The following RFX4 variants were observed in gnomAD, a reference collection of about 807,000 sequenced individuals.
RFX4 encodes regulatory factor X4, also known as transcription factor RFX4.
In RFX4, 10 loss-of-function variants were observed where a neutral mutation model predicts 95.0. That is an observed-to-expected ratio of 0.11 (90% confidence interval 0.06 to 0.18). The LOEUF is 0.18. Ranked by LOEUF, RFX4 falls within the 10% of genes least tolerant of loss-of-function variation. The pLI is 1.00. For synonymous variants in RFX4, 321 were observed against 340.7 expected (o/e 0.94, Z 0.64); for missense variants, 640 against 922.0 (o/e 0.69, Z 3.96).
intron 5 of RFX4, chr12:106,683,664 T>C (rs762450394): frequency 6.6e-6 from 1 of 152,024 alleles, no homozygotes; most frequent in Non-Finnish European, 1.5e-5. Flanking sequence ...TAGAACGATA[T>C]GGAATAAATG....
At chr12:106,659,333 G>T (rs1460801701) in intron 4 of RFX4, among the ~76,000 whole-genome samples, 1 of 151,832 alleles carries the variant, frequency 6.6e-6, no homozygotes, top group Non-Finnish European at 1.5e-5. Context: ...GGTCCCTTTA[G>T]GTGTGTTAGA....
At chr12:106,759,427 T>C (rs927666157) in intron 17 of RFX4, among the ~76,000 whole-genome samples, 1 of 152,112 alleles carries the variant, frequency 6.6e-6, no homozygotes, top group African/African-American at 2.4e-5. Context: ...AGCAACCTTT[T>C]TGAAAAAGTA....
At position 106,709,475 on chromosome 12, in the gene RFX4, T is replaced by C. The variant is rs753687950; in HGVS notation, c.934+45T>C. 27 of 1,442,920 alleles carry C rather than the reference T, an allele frequency of 1.9e-5. No homozygotes were observed. The South Asian group carries it at 2.7e-4, about 15-fold the overall frequency. 89.4% of individuals were successfully genotyped at this position (1,442,920 alleles called of 1,614,324 possible). On this transcript the variant is annotated intron_variant, in intron 9 of 17. Transcript: ENST00000392842. Reference sequence around the variant, plus strand: ...CGGGATGGAAGAGAGAATTACATTTTAGTGCCAAATATTTTACATAAGTTG... The same window carrying C: ...CGGGATGGAAGAGAGAATTACATTTCAGTGCCAAATATTTTACATAAGTTG...
At chr12:106,747,209 T>G (rs1399050134) in intron 15 of RFX4, among the ~76,000 whole-genome samples, 1 of 152,070 alleles carries the variant, frequency 6.6e-6, no homozygotes. Context: ...GGCCCTGAGT[T>G]GCTGGGAATT....
intron 2 of RFX4, among the ~76,000 whole-genome samples, chr12:106,624,517 T>C (rs112052366): frequency 6.6e-6 from 1 of 152,044 alleles, no homozygotes; most frequent in African/African-American, 2.4e-5. Context: ...TTAGTAGAGA[T>C]GGGGTTTCAC....
Position 106,733,063 on chromosome 12 carries a change from G to A in RFX4, c.1611G>A (p.Glu537=). Residue 537 remains glutamate, a synonymous_variant, in exon 15 of 18, where the codon GAG becomes GAA. Transcript: ENST00000392842. The part of the protein sequence containing the change: ...PSSPVSNPSP[E]YTGLSTTGAM... ...CCCCTGTTAGCAATCCTTCCCCTGAGTACACTGGCCTCAGCACTACAGGTA... is the reference window on the plus strand; with the variant it reads ...CCCCTGTTAGCAATCCTTCCCCTGAATACACTGGCCTCAGCACTACAGGTA... 6.2e-7 allele frequency: 1 copy of A among 1,614,128 alleles called. No homozygotes were observed. The highest frequency in any genetic ancestry group is 8.5e-7 in the Non-Finnish European group (1 of 1,180,012).
Position 106,761,733 on chromosome 12 carries a change from G to A in RFX4, c.*264G>A, listed in dbSNP as rs988693710. The A allele has an allele frequency of 4.7e-5, 8 of 171,836 alleles. No homozygotes were observed. The East Asian group carries it at 7.6e-4, about 16-fold the overall frequency. 10.6% of individuals were successfully genotyped at this position (171,836 alleles called of 1,614,324 possible). On this transcript the variant is annotated 3_prime_UTR_variant, in exon 18 of 18. Coordinates refer to ENST00000392842, the MANE Select transcript of RFX4 (RefSeq NM_213594.3). ...GACTGTTTCTGTAGAGCACTATCTC[G>A]GGCAGGCCATTCTGTGCCTTTTCCC... is the stretch of plus-strand genomic sequence containing the variant.
intron 15 of RFX4, among the ~76,000 whole-genome samples, chr12:106,744,715 GGTAGAGA>G (rs1566003712): frequency 6.6e-6 from 1 of 152,154 alleles, no homozygotes; most frequent in African/African-American, 2.4e-5. Context: ...GAGACACAAC[GGTAGAGA>G]GTAGAAAGTG....
chr12:106,656,621 G>T (rs1392740917), intron 4 of RFX4, among the ~76,000 whole-genome samples: 5 of 152,090 alleles, frequency 3.3e-5, no homozygotes, highest in Admixed American at 2.6e-4. Context: ...GCCCCTGATG[G>T]TTCCCAAAGC....
intron 2 of RFX4, among the ~76,000 whole-genome samples, chr12:106,610,599 A>G (rs1019457323): frequency 2.6e-5 from 4 of 152,252 alleles, no homozygotes; most frequent in Admixed American, 2.6e-4. Context: ...TTCACTTAGC[A>G]TAATGCCTTC....
At chr12:106,661,277 T>C (rs1051292208) in intron 4 of RFX4, among the ~76,000 whole-genome samples, 2 of 152,270 alleles carry the variant, frequency 1.3e-5, no homozygotes, top group Non-Finnish European at 2.9e-5. Flanking sequence ...TAGCTAACAC[T>C]GACTCTATGC....
At chr12:106,751,197 T>C (rs1048233124) in intron 17 of RFX4, among the ~76,000 whole-genome samples, 5 of 151,662 alleles carry the variant, frequency 3.3e-5, no homozygotes, top group African/African-American at 4.9e-5. Context: ...TTTGGTTTTT[T>C]GTTCTTGCGA....
At chr12:106,656,957 T>C (rs1234865183) in intron 4 of RFX4, among the ~76,000 whole-genome samples, 1 of 152,184 alleles carries the variant, frequency 6.6e-6, no homozygotes, top group East Asian at 1.9e-4. Context: ...AGAACACAAA[T>C]GCAAATGCTC....
intron 11 of RFX4, 30 bp downstream of exon 11, chr12:106,715,574 T>C: frequency 6.2e-7 from 1 of 1,604,540 alleles, no homozygotes; most frequent in Non-Finnish European, 8.5e-7. Context: ...ATTGTTGTCC[T>C]GTTTTTATTT....
At chr12:106,629,030 A>G (rs1321197901) in intron 2 of RFX4, among the ~76,000 whole-genome samples, 2 of 152,178 alleles carry the variant, frequency 1.3e-5, no homozygotes, top group Non-Finnish European at 2.9e-5. Context: ...AAGTGCTGGA[A>G]TTACAGGCAT....
chr12:106,654,526 C>T (rs2040918595), intron 4 of RFX4, among the ~76,000 whole-genome samples, 175 bp downstream of exon 4: 1 of 152,154 alleles, frequency 6.6e-6, no homozygotes, highest in Non-Finnish European at 1.5e-5. Flanking sequence ...TCAAACAATT[C>T]AAAAACATTG....
chr12:106,651,071 A>G (rs1332500317), intron 3 of RFX4, among the ~76,000 whole-genome samples: 1 of 151,986 alleles, frequency 6.6e-6, no homozygotes, highest in Admixed American at 6.6e-5. Context: ...AATCATATCC[A>G]TTTGTGTGGC....
chr12:106,609,270 A>G (rs1016253080), intron 2 of RFX4, among the ~76,000 whole-genome samples: 2 of 152,218 alleles, frequency 1.3e-5, no homozygotes, highest in Admixed American at 1.3e-4. Flanking sequence ...TAGTTGTTTT[A>G]GCCATAAATG....
chr12:106,695,455 G>A (rs975853545), intron 7 of RFX4, among the ~76,000 whole-genome samples: 1 of 152,222 alleles, frequency 6.6e-6, no homozygotes, highest in South Asian at 2.1e-4. Context: ...AGACAGAGGT[G>A]TAGGGGAGGC....
Sources: gnomAD v4.1 joint callset for allele counts (sites outside exome capture counted in the v4.1 genomes callset) on GRCh38, gnomAD v4.1.1 for gene constraint, MANE v1.5 for transcripts, NCBI Gene and HGNC (gene_info 2026-07-23, HGNC 2026-07-21) for gene names.